GUCY2F: variants seen among roughly 807,000 people sequenced by gnomAD.
GUCY2F encodes the protein guanylate cyclase 2F, retinal, also known as retinal guanylyl cyclase 2.
GUCY2F carries 61 observed loss-of-function variants against 73.1 expected under a neutral mutation model. The ratio of observed to expected loss-of-function variants is 0.83; its 90% confidence interval spans 0.68 to 1.03. The LOEUF is 1.03. GUCY2F is among the 50% of genes least tolerant of loss of function. GUCY2F has a pLI of 0.00. For synonymous variants in GUCY2F, 331 were observed against 307.8 expected (o/e 1.08, Z -0.79); for missense variants, 912 against 854.3 (o/e 1.07, Z -0.84).
chrX:109,479,251 C>A (rs909492096), intron 1 of GUCY2F, among the ~76,000 whole-genome samples: 2 of 112,325 alleles, frequency 1.8e-5, no homozygotes, highest in African/African-American at 3.2e-5. Flanking sequence ...CAATTTTCAA[C>A]TTCCTCATCT....
At chrX:109,447,035 T>C (rs919506008) in intron 6 of GUCY2F, among the ~76,000 whole-genome samples, 5 of 112,370 alleles carry the variant, frequency 4.4e-5, no homozygotes, top group Admixed American at 2.8e-4. Context: ...ATGCTCATCA[T>C]CACTAGCCAT....
chrX:109,446,009 G>A (rs1162596458), intron 6 of GUCY2F, among the ~76,000 whole-genome samples: 1 of 111,686 alleles, frequency 9.0e-6, no homozygotes, highest in East Asian at 2.8e-4. Context: ...AATCATGAGT[G>A]AACTCCCATT....
At chrX:109,400,233 G>C (rs1454813597) in intron 10 of GUCY2F, among the ~76,000 whole-genome samples, 1 of 110,083 alleles carries the variant, frequency 9.1e-6, no homozygotes, top group African/African-American at 3.3e-5. Flanking sequence ...GGGGGTAGTA[G>C]CAGCAACACA....
intron 6 of GUCY2F, 34 bp downstream of exon 6, chrX:109,448,035 G>T: frequency 1.5e-6 from 1 of 677,328 alleles, no homozygotes; most frequent in Admixed American, 2.3e-5. Flanking sequence ...CTACCATGTT[G>T]GACAGGGCAG....
chrX:109,392,011 G>A lies in GUCY2F; in HGVS notation c.2681C>T (p.Thr894Ile). The A allele has an allele frequency of 8.3e-7, 1 of 1,206,455 alleles. No homozygotes were observed. The highest frequency in any genetic ancestry group is 1.1e-6 in the Non-Finnish European group (1 of 891,009). ...GGGCTCACTCATGGCTGAAATGGTT[G>A]TGAAGCCCACAATGTCGCTGAAGTA... ...TLYFSDIVGF[T>I]TISAMSEPIE... Residue 894 changes from threonine to isoleucine, a missense_variant, in exon 14 of 20, where the codon ACA (threonine) becomes ATA (isoleucine). Physicochemically the swap from Thr to Ile is moderately conservative, Grantham distance 89 (BLOSUM62 -1). Transcript: ENST00000218006.
chrX:109,382,010 A>G, intron 17 of GUCY2F, 108 bp downstream of exon 17: 2 of 446,433 alleles, frequency 4.5e-6, no homozygotes, highest in Admixed American at 6.8e-5. Context: ...TGCCCAAGTT[A>G]TAGCTCTGAG....
Position 109,388,500 on chromosome X carries a change from C to T in GUCY2F, c.2945G>A (p.Gly982Asp), listed in dbSNP as rs2071930315. The part of the protein sequence containing the change: ...MPEVPVRIRI[G>D]LHSGPVVAGV... ...TAACTGGTTATTACCTGAGTGAAGG[C>T]CAATTCGAATTCGGACCGGCACTTC... Residue 982 changes from glycine to aspartate, a missense_variant, in exon 15 of 20, where the codon GGC (glycine) becomes GAC (aspartate). Gly to Asp is a moderately conservative substitution (Grantham distance 94, BLOSUM62 -1). Coordinates refer to ENST00000218006, the MANE Select transcript of GUCY2F (RefSeq NM_001522.3). 1 of 1,203,257 alleles carries T rather than the reference C, an allele frequency of 8.3e-7. No homozygotes were observed. Among genetic ancestry groups the T allele is most frequent in the Non-Finnish European group, 1.1e-6 (1 of 888,882 alleles).
At chrX:109,437,453 C>T (rs138503089) in intron 7 of GUCY2F, among the ~76,000 whole-genome samples, 141 of 112,189 alleles carry the variant, frequency 1.3e-3, no homozygotes, top group Non-Finnish European at 2.3e-3. Context: ...TTATTTTTTC[C>T]CCTTCTCAAT....
intron 7 of GUCY2F, among the ~76,000 whole-genome samples, chrX:109,439,864 C>T (rs1931832158): frequency 9.0e-6 from 1 of 111,722 alleles, no homozygotes; most frequent in Admixed American, 9.5e-5. Flanking sequence ...AAGTAATCTC[C>T]AAGAAGAATC....
chrX:109,442,437 C>T (rs1316572508), intron 6 of GUCY2F, among the ~76,000 whole-genome samples: 3 of 111,374 alleles, frequency 2.7e-5, no homozygotes, highest in Non-Finnish European at 3.8e-5. Flanking sequence ...AGAAGTACAT[C>T]GGGACTGGGA....
chrX:109,475,258 G>C lies in GUCY2F; in HGVS notation c.679C>G (p.Gln227Glu). 1 of 1,209,959 alleles carries C rather than the reference G, an allele frequency of 8.3e-7. No individual in the cohort carries two copies. The highest frequency in any genetic ancestry group is 1.1e-6 in the Non-Finnish European group (1 of 894,043). The change falls in exon 2 of 20, where the codon CAA (glutamine) becomes GAA (glutamate). Residue 227 changes from glutamine (Q) to glutamate (E), a missense_variant. Transcript: ENST00000218006. ...GVVLTTGQDSQSMRKALQRIH... is the reference protein window; with the variant it reads ...GVVLTTGQDSESMRKALQRIH... ...CTCTGGAGGGCTTTCCGCATGCTTT[G>C]GCTGTCTTGTCCTGTGGTCAGGACG...
intron 7 of GUCY2F, among the ~76,000 whole-genome samples, chrX:109,434,304 C>T (rs1931683333): frequency 9.0e-6 from 1 of 110,684 alleles, no homozygotes; most frequent in Non-Finnish European, 1.9e-5. Context: ...ATTCACAGCT[C>T]TTTCTGCCTG....
chrX:109,467,353 C>T (rs1932490084), intron 2 of GUCY2F, among the ~76,000 whole-genome samples: 1 of 112,119 alleles, frequency 8.9e-6, no homozygotes, highest in Admixed American at 9.5e-5. Flanking sequence ...GTTTGTCCAA[C>T]AGTATCCTCA....
intron 8 of GUCY2F, among the ~76,000 whole-genome samples, chrX:109,421,273 T>C (rs749695281): frequency 8.9e-6 from 1 of 111,743 alleles, no homozygotes; most frequent in East Asian, 2.8e-4. Context: ...AAAGAAGTGA[T>C]AGCACAGTCT....
chrX:109,470,597 T>C (rs903016902), intron 2 of GUCY2F, among the ~76,000 whole-genome samples: 1 of 111,520 alleles, frequency 9.0e-6, no homozygotes, highest in Non-Finnish European at 1.9e-5. Flanking sequence ...GGTAGTATAG[T>C]ATTGGTCTAT....
chrX:109,380,986 C>T (rs1435383011), intron 17 of GUCY2F, among the ~76,000 whole-genome samples: 1 of 111,955 alleles, frequency 8.9e-6, no homozygotes, highest in East Asian at 2.8e-4. Flanking sequence ...CTGTCCCCAA[C>T]ATTTTACTGT....
chrX:109,406,160 C>T (rs1930968820), intron 9 of GUCY2F, among the ~76,000 whole-genome samples: 2 of 111,740 alleles, frequency 1.8e-5, no homozygotes. Flanking sequence ...CATGGGATCC[C>T]CAGAAGCTCC....
At position 109,447,877 on chromosome X, in the gene GUCY2F, AT is replaced by A. The variant is rs1032665762; in HGVS notation, c.1569+191del. On this transcript the variant is annotated intron_variant, in intron 6 of 19. Transcript: ENST00000218006. The stretch of plus-strand genomic sequence containing the variant: ...TTTTGACATTTAATTAACATTTTTA[AT>A]TTTTTTAATTTTTTTTTTAAATTTA... Among the ~76,000 whole-genome samples, 8 of 108,195 alleles carry A rather than the reference AT, an allele frequency of 7.4e-5. No individual in the cohort carries two copies. The East Asian group carries it at 8.6e-4, about 12-fold the overall frequency. The allele number at this position is 108,195 out of a possible 115,157, so 94.0% of individuals were successfully genotyped here.
intron 3 of GUCY2F, among the ~76,000 whole-genome samples, chrX:109,460,457 A>C (rs1173810116): frequency 8.9e-6 from 1 of 112,124 alleles, no homozygotes; most frequent in Non-Finnish European, 1.9e-5. Context: ...GGAAATTGGA[A>C]GACAATGTGA....
Sources: allele counts gnomAD v4.1 joint callset (sites outside exome capture counted in the v4.1 genomes callset), GRCh38; gene constraint gnomAD v4.1.1; transcripts MANE v1.5; gene names NCBI Gene and HGNC (gene_info 2026-07-23, HGNC 2026-07-21).